The following PCDH15 variants were observed in gnomAD, a reference collection of about 807,000 sequenced individuals.
PCDH15 encodes protocadherin-15.
PCDH15 carries 129 observed loss-of-function variants against 178.5 expected under a neutral mutation model. That is an observed-to-expected ratio of 0.72 (90% CI 0.63 to 0.84). PCDH15 has a LOEUF of 0.84. Among genes scored for constraint, PCDH15 ranks in the 40% least tolerant of loss-of-function variants. The pLI is 0.00. For missense variants in PCDH15, 2,230 were observed against 2,099.9 expected (o/e 1.06, Z -1.21); for synonymous variants, 800 against 732.0 (o/e 1.09, Z -1.50).
chr10:54,882,622 A>C (rs924267559), intron 3 of PCDH15, among the ~76,000 whole-genome samples: 3 of 152,002 alleles, frequency 2.0e-5, no homozygotes, highest in African/African-American at 7.2e-5. Flanking sequence ...TATTTCAAAA[A>C]CTTTCCTTAT....
At chr10:54,270,919 T>C (rs2058008275) in intron 8 of PCDH15, among the ~76,000 whole-genome samples, 1 of 152,132 alleles carries the variant, frequency 6.6e-6, no homozygotes, top group African/African-American at 2.4e-5. Flanking sequence ...ACATGTCAGA[T>C]GGCAATGGCT....
intron 2 of PCDH15, among the ~76,000 whole-genome samples, chr10:54,567,643 T>G (rs1280388069): frequency 6.6e-6 from 1 of 152,216 alleles, no homozygotes; most frequent in African/African-American, 2.4e-5. Context: ...TCAAGATCTC[T>G]ATGCTCTATG....
chr10:55,597,806 G>T (rs1320897977), intron 2 of PCDH15, among the ~76,000 whole-genome samples: 1 of 152,012 alleles, frequency 6.6e-6, no homozygotes, highest in Non-Finnish European at 1.5e-5. Flanking sequence ...CCACTCAAAT[G>T]TTTTTCATCC....
At chr10:55,034,716 G>C (rs913378100) in intron 2 of PCDH15, among the ~76,000 whole-genome samples, 14 of 152,050 alleles carry the variant, frequency 9.2e-5, no homozygotes, top group African/African-American at 3.4e-4. Flanking sequence ...ATGAAACACA[G>C]TAAACAGACA....
intron 21 of PCDH15, among the ~76,000 whole-genome samples, chr10:53,977,468 C>G (rs767504572): frequency 2.6e-5 from 4 of 152,180 alleles, no homozygotes; most frequent in Admixed American, 1.3e-4. Context: ...CCTGACATTT[C>G]AGTAACACTT....
At chr10:54,723,691 A>C (rs1169403756) in intron 1 of PCDH15, among the ~76,000 whole-genome samples, 1 of 149,368 alleles carries the variant, frequency 6.7e-6, no homozygotes, top group Non-Finnish European at 1.5e-5. Context: ...AACTCGAACA[A>C]CTCAACAAGA....
chr10:53,946,943 A>T (rs2086625570), intron 23 of PCDH15, among the ~76,000 whole-genome samples: 3 of 151,892 alleles, frequency 2.0e-5, no homozygotes, highest in Admixed American at 2.0e-4. Context: ...CACCTGGCTA[A>T]TTTTTTGTAT....
intron 2 of PCDH15, among the ~76,000 whole-genome samples, chr10:55,481,751 C>T (rs11004889): frequency 0.39 from 58,757 of 151,440 alleles, 12,124 homozygotes; most frequent in East Asian, 0.81. Context: ...GTTTTACTTC[C>T]GATTATGTTA....
rs143978284 is a variant in PCDH15, at chr10:53,807,071, A to AGTT, written c.4728_4730dup (p.Thr1577dup). ...GACATTCAGGAGCACTGTCTTCTCCAGTTGAGCTGGTTTCATACTCTCGAT... is the reference window on the plus strand; with the variant it reads ...GACATTCAGGAGCACTGTCTTCTCCAGTTGTTGAGCTGGTTTCATACTCTCGAT... On this transcript the variant is annotated inframe_insertion, in exon 38 of 38. Transcript: ENST00000644397. 6,906 of 1,613,496 alleles carry AGTT rather than the reference A, an allele frequency of 4.3e-3. 226 individuals carry two copies. In the African/African-American group the frequency reaches 0.074, roughly 17 times the overall value.
intron 37 of PCDH15, among the ~76,000 whole-genome samples, chr10:53,807,433 TTTTA>T (rs1306277338): frequency 6.6e-6 from 1 of 152,170 alleles, no homozygotes; most frequent in African/African-American, 2.4e-5. Context: ...AATGTATTAC[TTTTA>T]TTTAAGGAGC....
chr10:55,039,069 T>A (rs1591851394), intron 2 of PCDH15, among the ~76,000 whole-genome samples: 1 of 152,140 alleles, frequency 6.6e-6, no homozygotes, highest in South Asian at 2.1e-4. Flanking sequence ...TATCTCAACA[T>A]CTCTTCTTTA....
At position 53,831,296 on chromosome 10, in the gene PCDH15, A is replaced by T. The variant is rs2077001583; in HGVS notation, c.4202+19T>A. The T allele has an allele frequency of 6.2e-7, 1 of 1,609,816 alleles. No homozygotes were observed. The highest frequency in any genetic ancestry group is 1.7e-5 in the Admixed American group (1 of 60,008). ...GACTTCTGAGGAACTATCCAGGTTT[A>T]CCATCCTTGAATACTTACTGTCTGT... On this transcript the variant is annotated intron_variant, in intron 30 of 37. Transcript: ENST00000644397.
At chr10:55,401,973 G>C (rs546493488) in intron 2 of PCDH15, among the ~76,000 whole-genome samples, 23 of 152,100 alleles carry the variant, frequency 1.5e-4, no homozygotes, top group African/African-American at 4.8e-4. Context: ...GGAGTCCACT[G>C]TCCACTGAAC....
At chr10:54,276,935 T>C (rs1408226658) in intron 8 of PCDH15, among the ~76,000 whole-genome samples, 1 of 151,596 alleles carries the variant, frequency 6.6e-6, no homozygotes, top group Non-Finnish European at 1.5e-5. Flanking sequence ...TATCTACAAG[T>C]AGAAAATGGG....
chr10:55,343,331 A>C (rs536675999), intron 2 of PCDH15, among the ~76,000 whole-genome samples: 1 of 152,312 alleles, frequency 6.6e-6, no homozygotes, highest in African/African-American at 2.4e-5. Context: ...ACCAACTTTT[A>C]TTCTAGAGTT....
intron 3 of PCDH15, among the ~76,000 whole-genome samples, chr10:54,493,305 C>G (rs1255202982): frequency 1.3e-5 from 2 of 149,400 alleles, no homozygotes; most frequent in Non-Finnish European, 3.0e-5. Flanking sequence ...TTTCATTTCT[C>G]TGGGGGTGGG....
At chr10:54,642,077 G>T (rs143630416) in intron 2 of PCDH15, among the ~76,000 whole-genome samples, 267 of 151,450 alleles carry the variant, frequency 1.8e-3, no homozygotes, top group African/African-American at 6.0e-3. Flanking sequence ...CCAACGTGAT[G>T]GTATAAGGAG....
chr10:55,001,312 G>A (rs1591828772), intron 2 of PCDH15, among the ~76,000 whole-genome samples: 1 of 152,176 alleles, frequency 6.6e-6, no homozygotes, highest in Non-Finnish European at 1.5e-5. Flanking sequence ...AAGAACCTGG[G>A]ACATGCTGAA....
At chr10:55,266,525 T>G (rs1310989191) in intron 1 of PCDH15, among the ~76,000 whole-genome samples, 2 of 152,260 alleles carry the variant, frequency 1.3e-5, no homozygotes, top group Non-Finnish European at 2.9e-5. Context: ...GGCATTTCTG[T>G]TTTTGTTCCT....
Sources: gnomAD v4.1 joint callset for allele counts (sites outside exome capture counted in the v4.1 genomes callset) on GRCh38, gnomAD v4.1.1 for gene constraint, MANE v1.5 for transcripts, NCBI Gene and HGNC (gene_info 2026-07-23, HGNC 2026-07-21) for gene names.